Variants in TASP1 observed in about 807,000 individuals in gnomAD.
TASP1 encodes taspase 1, also known as threonine aspartase 1.
In TASP1, 16 loss-of-function variants were observed where a neutral mutation model predicts 56.6. The observed-to-expected ratio is 0.28, with a 90% CI of 0.19 to 0.43. TASP1 has a LOEUF of 0.43. Ranked by LOEUF, TASP1 falls within the 20% of genes least tolerant of loss-of-function variation. The pLI is 1.00. For missense variants in TASP1, 393 were observed against 511.6 expected (o/e 0.77, Z 2.24); for synonymous variants, 179 against 184.2 (o/e 0.97, Z 0.23).
chr20:13,420,462 G>A (rs2042396961), intron 12 of TASP1, among the ~76,000 whole-genome samples: 1 of 152,030 alleles, frequency 6.6e-6, no homozygotes, highest in Non-Finnish European at 1.5e-5. Flanking sequence ...CACAGTAAAA[G>A]GCAAAGCATT....
chr20:13,562,924 T>C (rs1195866899), intron 7 of TASP1, among the ~76,000 whole-genome samples: 4 of 146,238 alleles, frequency 2.7e-5, no homozygotes, highest in South Asian at 2.2e-4. Flanking sequence ...TATGTGTGTG[T>C]GTGTGTGTGT....
chr20:13,415,129 C>G (rs78240736), intron 13 of TASP1, among the ~76,000 whole-genome samples: 2 of 151,986 alleles, frequency 1.3e-5, no homozygotes, highest in African/African-American at 4.8e-5. Context: ...TTACTCATTT[C>G]GCTACCACGG....
At chr20:13,451,553 CT>C (rs113766224) in intron 11 of TASP1, among the ~76,000 whole-genome samples, 12 of 152,148 alleles carry the variant, frequency 7.9e-5, no homozygotes, top group African/African-American at 2.9e-4. Context: ...TTCCTTATAC[CT>C]CATGAATGAA....
chr20:13,130,962 A>C, the TASP1 span, among the ~76,000 whole-genome samples: 1 of 152,286 alleles, frequency 6.6e-6, no homozygotes, highest in Admixed American at 6.5e-5. Flanking sequence ...ATCTCATAGG[A>C]CTGGGAGCTG....
chr20:13,493,672 G>T (rs944460653), intron 10 of TASP1, among the ~76,000 whole-genome samples: 4 of 152,192 alleles, frequency 2.6e-5, no homozygotes, highest in African/African-American at 9.7e-5. Flanking sequence ...CCAGCTTGCA[G>T]ATGGTCTATC....
the TASP1 span, among the ~76,000 whole-genome samples, chr20:13,178,022 T>C: frequency 1.6e-3 from 243 of 151,954 alleles, 2 homozygotes; most frequent in Admixed American, 4.2e-3. Context: ...AGAATTAATA[T>C]CCAGAATATA....
chr20:13,626,654 C>T (rs189980099), intron 2 of TASP1, among the ~76,000 whole-genome samples: 81 of 152,196 alleles, frequency 5.3e-4, no homozygotes, highest in Middle Eastern at 3.4e-3. Context: ...AATCCTAAAC[C>T]TGTTTCTCAA....
intron 7 of TASP1, among the ~76,000 whole-genome samples, chr20:13,560,110 C>A (rs142699523): frequency 1.3e-5 from 2 of 152,204 alleles, no homozygotes; most frequent in East Asian, 3.9e-4. Context: ...AATTTTAAAA[C>A]TTGATATACA....
At chr20:13,406,618 A>G (rs1219821428) in intron 13 of TASP1, among the ~76,000 whole-genome samples, 3 of 151,070 alleles carry the variant, frequency 2.0e-5, no homozygotes, top group Admixed American at 6.6e-5. Flanking sequence ...TGACGCCCTT[A>G]ATCACATTGA....
At position 13,534,017 on chromosome 20, in the gene TASP1, C is replaced by G. The variant is rs1481627162; in HGVS notation, c.795+5G>C. On this transcript the variant is annotated splice_donor_5th_base_variant and intron_variant, in intron 9 of 13. Coordinates refer to ENST00000337743, the MANE Select transcript of TASP1 (RefSeq NM_017714.3). ...GGCTAGTTTAAAAAACCCATAATTA[C>G]TTACCTGCCCAACTCTCCCCGGATG... 6.2e-7 allele frequency: 1 copy of G among 1,609,474 alleles called. No individual in the cohort carries two copies. The highest frequency in any genetic ancestry group is 8.5e-7 in the Non-Finnish European group (1 of 1,178,498).
At chr20:13,392,254 T>C (rs1319941158) in intron 13 of TASP1, among the ~76,000 whole-genome samples, 3 of 152,132 alleles carry the variant, frequency 2.0e-5, no homozygotes, top group African/African-American at 7.2e-5. Context: ...GACATCTATT[T>C]TGGGTCATCT....
the TASP1 span, chr20:13,221,838 T>A: frequency 6.9e-7 from 1 of 1,452,268 alleles, no homozygotes. Context: ...ACGCTGCACA[T>A]CACCGTGCTG....
intron 10 of TASP1, among the ~76,000 whole-genome samples, chr20:13,489,211 A>C (rs1453491391): frequency 2.6e-5 from 4 of 152,106 alleles, no homozygotes; most frequent in Non-Finnish European, 5.9e-5. Context: ...TCCCCTCCAC[A>C]AGAACGAGGC....
chr20:13,562,019 C>G (rs1214388022), intron 7 of TASP1, among the ~76,000 whole-genome samples: 1 of 152,148 alleles, frequency 6.6e-6, no homozygotes, highest in Non-Finnish European at 1.5e-5. Flanking sequence ...GGACATTTTT[C>G]CAAAATGTCC....
At chr20:13,379,089 T>C in the TASP1 span, among the ~76,000 whole-genome samples, 4 of 152,206 alleles carry the variant, frequency 2.6e-5, no homozygotes, top group Non-Finnish European at 5.9e-5. Context: ...AGGTTAATAT[T>C]GTTATATGTT....
intron 13 of TASP1, among the ~76,000 whole-genome samples, chr20:13,394,422 A>C (rs1474331637): frequency 6.6e-6 from 1 of 151,776 alleles, no homozygotes; most frequent in African/African-American, 2.4e-5. Context: ...CATCCTGGCT[A>C]ACATGGTGAA....
the TASP1 span, among the ~76,000 whole-genome samples, chr20:13,162,521 G>T: frequency 6.6e-6 from 1 of 152,188 alleles, no homozygotes; most frequent in Non-Finnish European, 1.5e-5. Flanking sequence ...TGACCCTGAT[G>T]AACAGCCAGT....
chr20:13,496,054 A>AT (rs1036671920), intron 10 of TASP1, among the ~76,000 whole-genome samples: 29 of 150,148 alleles, frequency 1.9e-4, no homozygotes, highest in African/African-American at 3.2e-4. Context: ...TTTGATTTTG[A>AT]TTTTTTTTTT....
At chr20:13,471,640 G>A (rs1329442356) in intron 11 of TASP1, among the ~76,000 whole-genome samples, 1 of 151,998 alleles carries the variant, frequency 6.6e-6, no homozygotes, top group Non-Finnish European at 1.5e-5. Flanking sequence ...TCATCTCCAA[G>A]GTCTCCTTCC....
Sources: gnomAD v4.1 joint callset for allele counts (sites outside exome capture counted in the v4.1 genomes callset) on GRCh38, gnomAD v4.1.1 for gene constraint, MANE v1.5 for transcripts, NCBI Gene and HGNC (gene_info 2026-07-23, HGNC 2026-07-21) for gene names.